WWOX: variants seen among roughly 807,000 people sequenced by gnomAD.
WWOX encodes the protein WW domain containing oxidoreductase.
In WWOX, 69 loss-of-function variants were observed where a neutral mutation model predicts 46.2. The observed-to-expected ratio is 1.49, with a 90% CI of 1.23 to 1.82. The LOEUF (loss-of-function observed/expected upper bound fraction) is 1.82. Among genes scored for constraint, WWOX ranks in the 40% most tolerant of loss-of-function variants. WWOX has a pLI of 0.00. For missense variants in WWOX, 919 were observed against 542.6 expected, an observed-to-expected ratio of 1.69 and a Z score of -6.89; for synonymous variants, 359 against 202.6, an observed-to-expected ratio of 1.77 and a Z score of -6.56.
chr16:78,144,071 C>G (rs570294633), intron 4 of WWOX, among the ~76,000 whole-genome samples: 16 of 152,182 alleles, frequency 1.1e-4, no homozygotes, highest in African/African-American at 3.6e-4. Flanking sequence ...ATAGAATATT[C>G]ACATCTGTAA....
chr16:78,633,312 TATCTTCTATGGGGCTA>T (rs1322750787), intron 8 of WWOX, among the ~76,000 whole-genome samples: 4 of 152,106 alleles, frequency 2.6e-5, no homozygotes, highest in Non-Finnish European at 4.4e-5. Flanking sequence ...AGAGCATAAG[TATCTTCTATGGGGCTA>T]CCCAACTAGG....
At chr16:78,575,419 T>C (rs80105465) in intron 8 of WWOX, among the ~76,000 whole-genome samples, 10 of 151,976 alleles carry the variant, frequency 6.6e-5, no homozygotes, top group African/African-American at 2.2e-4. Flanking sequence ...GTGTTAATCT[T>C]ACACCTACCC....
At chr16:78,286,193 A>G (rs1471598296) in intron 5 of WWOX, among the ~76,000 whole-genome samples, 2 of 152,232 alleles carry the variant, frequency 1.3e-5, no homozygotes, top group African/African-American at 4.8e-5. Context: ...TTTTTTCACA[A>G]GGCGAAAATC....
intron 8 of WWOX, among the ~76,000 whole-genome samples, chr16:78,698,481 A>G (rs2048146170): frequency 1.3e-5 from 2 of 152,196 alleles, no homozygotes; most frequent in South Asian, 4.1e-4. Flanking sequence ...ATTTCTTATT[A>G]TTCTGTTTAC....
At chr16:78,807,329 G>A (rs951620918) in intron 8 of WWOX, among the ~76,000 whole-genome samples, 4 of 152,300 alleles carry the variant, frequency 2.6e-5, no homozygotes, top group South Asian at 2.1e-4. Flanking sequence ...ACAGATGCCA[G>A]TGACACCCAG....
intron 8 of WWOX, among the ~76,000 whole-genome samples, chr16:78,794,072 C>G (rs962370198): frequency 2.0e-5 from 3 of 152,122 alleles, no homozygotes; most frequent in Non-Finnish European, 4.4e-5. Flanking sequence ...CCCCAGCATT[C>G]ATTTGTTAGG....
chr16:78,681,021 G>A (rs1454034593), intron 8 of WWOX, among the ~76,000 whole-genome samples: 1 of 152,204 alleles, frequency 6.6e-6, no homozygotes, highest in South Asian at 2.1e-4. Context: ...GGCCGAGGTG[G>A]GCGCATTGCC....
chr16:78,871,930 C>T (rs1446048852), intron 8 of WWOX, among the ~76,000 whole-genome samples: 3 of 152,162 alleles, frequency 2.0e-5, no homozygotes, highest in Non-Finnish European at 4.4e-5. Flanking sequence ...GGCCCCTCAA[C>T]CTGTTTTCTT....
intron 8 of WWOX, among the ~76,000 whole-genome samples, chr16:78,885,308 A>G (rs2044431969): frequency 1.3e-5 from 2 of 150,966 alleles, no homozygotes; most frequent in Admixed American, 6.7e-5. Context: ...ATCCAGTCTT[A>G]TAAATATTTG....
chr16:78,907,890 C>T (rs1002355209), intron 8 of WWOX, among the ~76,000 whole-genome samples: 1 of 152,078 alleles, frequency 6.6e-6, no homozygotes, highest in Non-Finnish European at 1.5e-5. Context: ...TGTCAAGGGT[C>T]GATGAATTCA....
rs376007914 is a variant in WWOX at position 78,111,829 on chromosome 16, G to A, written c.230+1994G>A. The A allele has an allele frequency of 1.1e-4, 19 of 173,414 alleles. No homozygotes were observed. The East Asian group carries it at 1.9e-3, about 17-fold the overall frequency. 10.7% of individuals were successfully genotyped at this position (173,414 alleles called of 1,614,324 possible). On this transcript the variant is annotated intron_variant, in intron 3 of 8. Coordinates refer to ENST00000566780, the MANE Select transcript of WWOX (RefSeq NM_016373.4). ...TGATCTTTCTTTTAAGGGCAGAAAAGAAAATGCTGACGTATGCTGCCTTCT... is the reference window on the plus strand; with the variant it reads ...TGATCTTTCTTTTAAGGGCAGAAAAAAAAATGCTGACGTATGCTGCCTTCT...
chr16:78,878,998 T>G (rs1323757600), intron 8 of WWOX, among the ~76,000 whole-genome samples: 1 of 151,270 alleles, frequency 6.6e-6, no homozygotes, highest in African/African-American at 2.4e-5. Context: ...GCCCAGGAAT[T>G]TGAGGTTGCA....
At position 78,662,553 on chromosome 16, in the gene WWOX, A is replaced by G. The variant is rs2047240388; in HGVS notation, c.1056+229801A>G. 2.0e-5 allele frequency among the ~76,000 whole-genome samples: 3 copies of G among 152,168 alleles called. No homozygotes were observed. In the South Asian group the frequency reaches 6.2e-4, roughly 32 times the overall value. ...GGACCAGTTGCAAGGATGCAGGATGAGGAAGGCAATGTGAGAAAACAGAAG... is the reference window on the plus strand; with the variant it reads ...GGACCAGTTGCAAGGATGCAGGATGGGGAAGGCAATGTGAGAAAACAGAAG... On this transcript the variant is annotated intron_variant, in intron 8 of 8. Transcript: ENST00000566780.
intron 5 of WWOX, among the ~76,000 whole-genome samples, chr16:78,320,920 G>A (rs993100853): frequency 6.6e-6 from 1 of 152,028 alleles, no homozygotes; most frequent in African/African-American, 2.4e-5. Flanking sequence ...GTCTTGCTTT[G>A]GGCGCCAGAC....
chr16:78,697,718 G>C (rs1201796493), intron 8 of WWOX, among the ~76,000 whole-genome samples: 5 of 152,152 alleles, frequency 3.3e-5, no homozygotes, highest in Admixed American at 2.6e-4. Flanking sequence ...GGTAGGCTCG[G>C]CTAAGCTATC....
chr16:78,299,121 C>G (rs2079995194), intron 5 of WWOX, among the ~76,000 whole-genome samples: 2 of 152,148 alleles, frequency 1.3e-5, no homozygotes, highest in African/African-American at 4.8e-5. Flanking sequence ...TAGTCATATT[C>G]TTATCAGTAT....
At chr16:78,999,371 G>C (rs1445458598) in intron 8 of WWOX, among the ~76,000 whole-genome samples, 1 of 152,186 alleles carries the variant, frequency 6.6e-6, no homozygotes, top group Non-Finnish European at 1.5e-5. Context: ...TCGAGAGGCT[G>C]AGGCAGGAGA....
At chr16:78,499,567 G>T (rs186369264) in intron 8 of WWOX, among the ~76,000 whole-genome samples, 29 of 152,364 alleles carry the variant, frequency 1.9e-4, no homozygotes, top group Admixed American at 7.2e-4. Context: ...GGCGGTGGAC[G>T]GGCTTCCTGC....
chr16:78,996,871 G>A (rs965875251), intron 8 of WWOX, among the ~76,000 whole-genome samples: 1 of 152,204 alleles, frequency 6.6e-6, no homozygotes, highest in Non-Finnish European at 1.5e-5. Context: ...TGCCATAAAT[G>A]CTGCAGAGCT....
Sources: allele counts gnomAD v4.1 joint callset (sites outside exome capture counted in the v4.1 genomes callset), GRCh38; gene constraint gnomAD v4.1.1; transcripts MANE v1.5; gene names NCBI Gene and HGNC (gene_info 2026-07-23, HGNC 2026-07-21).